Variants in GRIN3A observed in about 807,000 individuals in gnomAD.
The protein encoded by GRIN3A is glutamate ionotropic receptor NMDA type subunit 3A, also known as glutamate receptor ionotropic, NMDA 3A.
Under a neutral mutation model 92.4 loss-of-function variants are expected in GRIN3A, and 47 were observed. The observed-to-expected ratio is 0.51, with a 90% CI of 0.40 to 0.65. GRIN3A has a LOEUF of 0.65. GRIN3A is among the 30% of genes least tolerant of loss of function. The pLI, the probability that GRIN3A is intolerant of heterozygous loss-of-function variation, is 0.00. For synonymous variants in GRIN3A, 527 were observed against 540.6 expected (o/e 0.97, Z 0.35); for missense variants, 1,324 against 1,393.1 (o/e 0.95, Z 0.79).
chr9:101,611,946 C>T (rs2118844884), intron 6 of GRIN3A, among the ~76,000 whole-genome samples: 1 of 152,242 alleles, frequency 6.6e-6, no homozygotes, highest in South Asian at 2.1e-4. Context: ...GAAGAGGAGG[C>T]AACAGCCTGT....
intron 3 of GRIN3A, among the ~76,000 whole-genome samples, chr9:101,638,836 G>A (rs1244611572): frequency 6.6e-6 from 1 of 152,162 alleles, no homozygotes; most frequent in Non-Finnish European, 1.5e-5. Flanking sequence ...TAATTGCTTG[G>A]CGTTAGACTC....
chr9:101,612,320 C>A (rs1330021685), intron 6 of GRIN3A, among the ~76,000 whole-genome samples: 1 of 152,134 alleles, frequency 6.6e-6, no homozygotes, highest in East Asian at 1.9e-4. Context: ...CATTAAGGAT[C>A]CTTGCCAGTT....
chr9:101,660,856 G>A (rs1431215609), intron 3 of GRIN3A, among the ~76,000 whole-genome samples: 4 of 151,644 alleles, frequency 2.6e-5, no homozygotes, highest in East Asian at 3.9e-4. Context: ...AACTAATCAC[G>A]TCAGAGCACT....
chr9:101,623,370 T>A lies in GRIN3A; in HGVS notation c.2562A>T (p.Ser854=), dbSNP rs747352476. ...MDKALLDYEV[S]IDADCKLLTV... is the part of the protein sequence containing the mutation. Reference sequence around the variant, plus strand: ...TGAGAAGTTTGCAGTCAGCATCTATTGACACTTCATAATCCAGAAGGGCTT... The same window carrying A: ...TGAGAAGTTTGCAGTCAGCATCTATAGACACTTCATAATCCAGAAGGGCTT... The change falls in exon 5 of 9, where the codon TCA becomes TCT. Residue 854 remains serine (S), a synonymous_variant. Transcript: ENST00000361820. The A allele has an allele frequency of 1.9e-6, 3 of 1,614,036 alleles. No homozygotes were observed. The South Asian group carries it at 3.3e-5, about 18-fold the overall frequency.
At chr9:101,702,170 C>T (rs1465047934) in intron 1 of GRIN3A, among the ~76,000 whole-genome samples, 1 of 152,090 alleles carries the variant, frequency 6.6e-6, no homozygotes, top group East Asian at 1.9e-4. Context: ...GGTGTGGTAG[C>T]ATATGCCTGT....
At chr9:101,598,503 T>C (rs1452384421) in intron 6 of GRIN3A, among the ~76,000 whole-genome samples, 2 of 152,226 alleles carry the variant, frequency 1.3e-5, no homozygotes, top group Non-Finnish European at 2.9e-5. Context: ...AACAGTCCAC[T>C]TAGTAGCAGT....
At chr9:101,575,576 A>G (rs1197054865) in intron 8 of GRIN3A, among the ~76,000 whole-genome samples, 2 of 152,130 alleles carry the variant, frequency 1.3e-5, no homozygotes, top group Non-Finnish European at 2.9e-5. Context: ...TATGTACCTT[A>G]TTTTCTTTGC....
intron 2 of GRIN3A, among the ~76,000 whole-genome samples, chr9:101,678,011 C>T (rs1323734211): frequency 1.3e-5 from 2 of 152,112 alleles, no homozygotes; most frequent in African/African-American, 4.8e-5. Context: ...TGCTGTTCTC[C>T]CTTCCCCACT....
intron 6 of GRIN3A, among the ~76,000 whole-genome samples, chr9:101,586,978 T>C (rs1483217442): frequency 1.3e-5 from 2 of 152,300 alleles, no homozygotes; most frequent in Admixed American, 6.5e-5. Context: ...AACATTGAGC[T>C]TTCCCGTTAT....
chr9:101,616,305 C>T (rs1828453029), intron 5 of GRIN3A, among the ~76,000 whole-genome samples: 1 of 152,162 alleles, frequency 6.6e-6, no homozygotes, highest in Non-Finnish European at 1.5e-5. Context: ...CTGATTACTT[C>T]CTTCTAATAA....
chr9:101,697,240 G>T (rs944145388), intron 1 of GRIN3A, among the ~76,000 whole-genome samples: 1 of 152,062 alleles, frequency 6.6e-6, no homozygotes, highest in Non-Finnish European at 1.5e-5. Flanking sequence ...ATTACACTTT[G>T]CTGCAATGAC....
intron 1 of GRIN3A, 110 bp downstream of exon 1, chr9:101,737,171 T>C (rs1195304989): frequency 8.1e-6 from 7 of 860,414 alleles, no homozygotes; most frequent in Admixed American, 2.0e-5. Flanking sequence ...ATCAAAGTTA[T>C]AAAGTAACAA....
intron 4 of GRIN3A, among the ~76,000 whole-genome samples, chr9:101,626,293 GA>G (rs1397095475): frequency 1.3e-5 from 2 of 152,144 alleles, no homozygotes; most frequent in African/African-American, 2.4e-5. Context: ...TAATTTTTTG[GA>G]AAACTGTTAA....
Position 101,670,995 on chromosome 9 carries a change from T to C in GRIN3A, c.1417A>G (p.Met473Val), listed in dbSNP as rs1299982980. 1 of 1,613,938 alleles carries C rather than the reference T, an allele frequency of 6.2e-7. No individual in the cohort carries two copies. Among genetic ancestry groups the C allele is most frequent in the Admixed American group, 1.7e-5 (1 of 60,010 alleles). The change falls in exon 3 of 9, where the codon ATG (methionine) becomes GTG (valine). Residue 473 changes from methionine (M) to valine (V), a missense_variant. Transcript: ENST00000361820. Reference protein sequence around the residue: ...FFIWNLQHDPMGKPMWTRLGS... With the variant: ...FFIWNLQHDPVGKPMWTRLGS... Reference sequence around the variant, plus strand: ...AAGCGGGTCCACATTGGCTTTCCCATGGGGTCATGTTGAAGATTCCAGATG... The same window carrying C: ...AAGCGGGTCCACATTGGCTTTCCCACGGGGTCATGTTGAAGATTCCAGATG...
intron 3 of GRIN3A, 80 bp from the exon 4 acceptor site, chr9:101,628,481 A>G (rs1403964011): frequency 7.0e-7 from 1 of 1,418,602 alleles, no homozygotes; most frequent in East Asian, 2.5e-5. Context: ...TAATTCTTTG[A>G]AACTTAATAA....
chr9:101,670,239 C>G lies in GRIN3A; in HGVS notation c.2173G>C (p.Ala725Pro). 1 of 1,614,016 alleles carries G rather than the reference C, an allele frequency of 6.2e-7. No homozygotes were observed. The highest frequency in any genetic ancestry group is 8.5e-7 in the Non-Finnish European group (1 of 1,179,964). The part of the protein sequence containing the change: ...SFSSALNICY[A>P]LLFGRTVAIK... ...GCCACTGTTCTGCCAAACAAGAGGG[C>G]ATAACAGATGTTCAAGGCTGAAGAA... Residue 725 changes from alanine (A) to proline (P), a missense_variant, in exon 3 of 9, where the codon GCC becomes CCC. By Grantham distance (27) the Ala-to-Pro change is conservative. Coordinates refer to ENST00000361820, the MANE Select transcript of GRIN3A (RefSeq NM_133445.3).
At chr9:101,584,352 A>G (rs1827924325) in intron 6 of GRIN3A, among the ~76,000 whole-genome samples, 1 of 152,174 alleles carries the variant, frequency 6.6e-6, no homozygotes, top group Non-Finnish European at 1.5e-5. Context: ...TTTATTGTTA[A>G]TTTACATTAG....
intron 3 of GRIN3A, among the ~76,000 whole-genome samples, chr9:101,668,062 C>CTACT (rs1829265399): frequency 6.6e-6 from 1 of 152,060 alleles, no homozygotes; most frequent in Non-Finnish European, 1.5e-5. Flanking sequence ...TTGTCCAGTT[C>CTACT]TACTGGCTTT....
At chr9:101,626,238 G>T (rs183983357) in intron 4 of GRIN3A, among the ~76,000 whole-genome samples, 1 of 152,140 alleles carries the variant, frequency 6.6e-6, no homozygotes, top group Non-Finnish European at 1.5e-5. Context: ...AAGAAAACCA[G>T]TCACATATTA....
Sources: gnomAD v4.1 joint callset for allele counts (sites outside exome capture counted in the v4.1 genomes callset) on GRCh38, gnomAD v4.1.1 for gene constraint, MANE v1.5 for transcripts, NCBI Gene and HGNC (gene_info 2026-07-23, HGNC 2026-07-21) for gene names.